Variants in ERP44 observed in about 807,000 individuals in gnomAD.
ERP44 encodes the protein endoplasmic reticulum resident protein 44.
In ERP44, 25 loss-of-function variants were observed where a neutral mutation model predicts 53.4. The ratio of observed to expected loss-of-function variants is 0.47; its 90% CI spans 0.34 to 0.65. The LOEUF is 0.65. Among genes scored for constraint, ERP44 ranks in the 30% least tolerant of loss-of-function variants. The pLI, the probability that ERP44 is intolerant of heterozygous loss-of-function variation, is 0.01. For synonymous variants in ERP44, 145 were observed against 161.2 expected, an observed-to-expected ratio of 0.90 and a Z score of 0.76; for missense variants, 338 against 493.2, an observed-to-expected ratio of 0.69 and a Z score of 2.98.
chr9:100,002,885 T>C (rs1225258913), intron 10 of ERP44, among the ~76,000 whole-genome samples: 2 of 152,182 alleles, frequency 1.3e-5, no homozygotes, highest in Admixed American at 1.3e-4. Flanking sequence ...CTTTTTTTAT[T>C]TTAAATAAGC....
intron 10 of ERP44, among the ~76,000 whole-genome samples, chr9:99,987,308 T>A (rs1182392462): frequency 6.6e-6 from 1 of 152,174 alleles, no homozygotes; most frequent in Non-Finnish European, 1.5e-5. Context: ...TACGTGGTAA[T>A]CTCCTAAACA....
chr9:100,028,522 A>C (rs1017178779), intron 4 of ERP44, among the ~76,000 whole-genome samples: 3 of 152,244 alleles, frequency 2.0e-5, no homozygotes, highest in Non-Finnish European at 4.4e-5. Context: ...GTGTGTTTCG[A>C]AATTTTGGAA....
intron 8 of ERP44, among the ~76,000 whole-genome samples, chr9:100,008,620 G>A (rs1229449040): frequency 6.6e-6 from 1 of 151,874 alleles, no homozygotes; most frequent in Non-Finnish European, 1.5e-5. Context: ...AAACAAACTG[G>A]GACCTATTTT....
intron 1 of ERP44, among the ~76,000 whole-genome samples, chr9:100,089,188 T>C (rs1311414809): frequency 6.6e-6 from 1 of 152,212 alleles, no homozygotes; most frequent in African/African-American, 2.4e-5. Flanking sequence ...CCTTATCAAC[T>C]GTAGTGGTAC....
At chr9:99,990,695 C>A (rs547621377) in intron 10 of ERP44, among the ~76,000 whole-genome samples, 1 of 152,120 alleles carries the variant, frequency 6.6e-6, no homozygotes, top group African/African-American at 2.4e-5. Context: ...GGGCTAAATG[C>A]CCCAATTAAA....
intron 10 of ERP44, among the ~76,000 whole-genome samples, chr9:99,991,833 A>T (rs1830260026): frequency 1.3e-5 from 2 of 152,196 alleles, no homozygotes; most frequent in South Asian, 4.1e-4. Flanking sequence ...GATAAAGGGG[A>T]TATCACCACC....
chr9:99,983,551 CAAAAAAAA>C (rs59132233), intron 11 of ERP44, among the ~76,000 whole-genome samples: 13 of 66,966 alleles, frequency 1.9e-4, no homozygotes, highest in African/African-American at 2.7e-4. Context: ...GACTCCGTCT[CAAAAAAAA>C]AAAAAAAAAA....
At chr9:99,993,317 T>G (rs1353477195) in intron 10 of ERP44, among the ~76,000 whole-genome samples, 3 of 152,090 alleles carry the variant, frequency 2.0e-5, no homozygotes, top group Non-Finnish European at 4.4e-5. Context: ...AACAGAGAGA[T>G]AGACCAATGG....
chr9:100,083,888 A>G (rs1393413350), intron 1 of ERP44, among the ~76,000 whole-genome samples: 2 of 152,224 alleles, frequency 1.3e-5, no homozygotes, highest in Non-Finnish European at 2.9e-5. Flanking sequence ...TACATTAGAG[A>G]GTATCCACAT....
At chr9:100,031,252 G>A (rs1405819694) in intron 4 of ERP44, among the ~76,000 whole-genome samples, 1 of 152,230 alleles carries the variant, frequency 6.6e-6, no homozygotes, top group South Asian at 2.1e-4. Context: ...GCTTGACCTT[G>A]TAAGAATGGG....
intron 2 of ERP44, 152 bp from the exon 3 acceptor site, chr9:100,058,011 C>G: frequency 1.6e-6 from 1 of 609,760 alleles, no homozygotes; most frequent in South Asian, 2.1e-5. Flanking sequence ...GAGTCATGGA[C>G]AGCTTATATA....
At chr9:100,068,045 C>T (rs1310418761) in intron 1 of ERP44, among the ~76,000 whole-genome samples, 12 of 147,622 alleles carry the variant, frequency 8.1e-5, no homozygotes, top group African/African-American at 2.2e-4. Context: ...GTCAGTCCCC[C>T]GCCCGGCCAG....
chr9:99,993,791 A>G (rs1830281260), intron 10 of ERP44, among the ~76,000 whole-genome samples: 1 of 152,254 alleles, frequency 6.6e-6, no homozygotes, highest in Non-Finnish European at 1.5e-5. Context: ...ACCAGAATCT[A>G]CAAAGAACTT....
chr9:100,096,570 T>C (rs1010383949), intron 1 of ERP44, among the ~76,000 whole-genome samples: 7 of 152,134 alleles, frequency 4.6e-5, no homozygotes, highest in East Asian at 1.9e-4. Flanking sequence ...TTTGGGATTA[T>C]GTTTCAACTG....
intron 1 of ERP44, among the ~76,000 whole-genome samples, chr9:100,071,431 T>C (rs529776491): frequency 2.0e-5 from 3 of 152,330 alleles, no homozygotes; most frequent in Admixed American, 1.3e-4. Flanking sequence ...AAGGAAAAAC[T>C]GTCTTCAGTG....
rs534506510 is a variant in ERP44, at chr9:100,018,204, G to A, written c.645+52C>T. 21 of 1,044,448 alleles carry A rather than the reference G, an allele frequency of 2.0e-5. 1 individual carries two copies. The highest frequency in any genetic ancestry group is 2.0e-4 in the Middle Eastern group (1 of 4,956). The allele number at this position is 1,044,448 out of a possible 1,614,324, so 64.7% of individuals were successfully genotyped here. A position where few individuals can be genotyped will look rare whatever the true frequency, so the allele number is the denominator to read the frequency against. ...TAACACATATAAAACTACATCTTAC[G>A]CATGTATTTAAATTATATCTTATCA... On this transcript the variant is annotated intron_variant, in intron 7 of 11. Coordinates refer to ENST00000262455, the MANE Select transcript of ERP44 (RefSeq NM_015051.3).
Position 100,007,638 on chromosome 9 carries a change from C to A in ERP44, c.814G>T (p.Asp272Tyr). 6.2e-7 allele frequency: 1 copy of A among 1,606,294 alleles called. No individual in the cohort carries two copies. Among genetic ancestry groups the A allele is most frequent in the Non-Finnish European group, 8.5e-7 (1 of 1,172,906 alleles). Residue 272 changes from aspartate to tyrosine, a missense_variant, in exon 9 of 12, where the codon GAT becomes TAT. Asp to Tyr is a radical substitution (Grantham distance 160, BLOSUM62 -3). This residue lies in a region of ERP44 where 113 missense variants were observed against 172.6 expected (regional missense o/e 0.65). Transcript: ENST00000262455. ...PFLILFHMKEDTESLEIFQNE... is the reference protein window; with the variant it reads ...PFLILFHMKEYTESLEIFQNE... Reference sequence around the variant, plus strand: ...TGGAATATTTCTAAACTTTCTGTATCTTCTTTCATGTGAAAGAGTATGAGA... The same window carrying A: ...TGGAATATTTCTAAACTTTCTGTATATTCTTTCATGTGAAAGAGTATGAGA...
intron 1 of ERP44, among the ~76,000 whole-genome samples, chr9:100,068,765 G>A (rs1299375032): frequency 6.6e-6 from 1 of 152,054 alleles, no homozygotes; most frequent in Non-Finnish European, 1.5e-5. Context: ...CCCTCTGCCC[G>A]GCCAGCCGCC....
At chr9:99,988,888 C>G (rs893959701) in intron 10 of ERP44, among the ~76,000 whole-genome samples, 2 of 152,242 alleles carry the variant, frequency 1.3e-5, no homozygotes, top group East Asian at 1.9e-4. Context: ...TATCCCACAC[C>G]TGGCTCAGTG....
Sources: gnomAD v4.1 joint callset for allele counts (sites outside exome capture counted in the v4.1 genomes callset) on GRCh38, gnomAD v4.1.1 for gene constraint, gnomAD v4.1.1 regional missense constraint, MANE v1.5 for transcripts, NCBI Gene and HGNC (gene_info 2026-07-23, HGNC 2026-07-21) for gene names.